IL1RAPL1: variants seen among roughly 807,000 people sequenced by gnomAD.
IL1RAPL1 encodes interleukin-1 receptor accessory protein-like 1.
A neutral mutation model predicts 48.4 loss-of-function variants in IL1RAPL1; 3 were observed. The ratio of observed to expected loss-of-function variants is 0.06; its 90% CI spans 0.03 to 0.16. The LOEUF (loss-of-function observed/expected upper bound fraction) is 0.16. Ranked by LOEUF, IL1RAPL1 falls within the 10% of genes least tolerant of loss-of-function variation. The pLI, the probability that IL1RAPL1 is intolerant of heterozygous loss-of-function variation, is 1.00. For missense variants in IL1RAPL1, 349 were observed against 530.6 expected, an observed-to-expected ratio of 0.66 and a Z score of 3.36; for synonymous variants, 185 against 187.7, an observed-to-expected ratio of 0.99 and a Z score of 0.12.
intron 2 of IL1RAPL1, among the ~76,000 whole-genome samples, chrX:28,982,135 T>C (rs969617478): frequency 2.7e-5 from 3 of 112,190 alleles, no homozygotes; most frequent in Admixed American, 9.4e-5. Context: ...AAGGTGTCTG[T>C]TTTCTCTTTC....
intron 2 of IL1RAPL1, among the ~76,000 whole-genome samples, chrX:29,142,404 G>A (rs1159624892): frequency 8.9e-6 from 1 of 111,745 alleles, no homozygotes; most frequent in Non-Finnish European, 1.9e-5. Flanking sequence ...GAGAAAGACT[G>A]TAGAACTGTC....
chrX:28,957,183 A>G (rs1001179728), intron 2 of IL1RAPL1, among the ~76,000 whole-genome samples: 1 of 111,634 alleles, frequency 9.0e-6, no homozygotes, highest in Admixed American at 9.6e-5. Context: ...ACCTAATGCT[A>G]GATGACGAGT....
At chrX:29,198,629 A>G (rs981727757) in intron 2 of IL1RAPL1, among the ~76,000 whole-genome samples, 3 of 111,618 alleles carry the variant, frequency 2.7e-5, no homozygotes, top group Admixed American at 9.6e-5. Context: ...TAAGCTCAGC[A>G]TAAGTTGACA....
rs755559570 is a variant in IL1RAPL1 at position 29,611,192 on chromosome X, T to C, written c.704-57238T>C. Among the ~76,000 whole-genome samples, 11 of 111,556 alleles carry C rather than the reference T, an allele frequency of 9.9e-5. No individual in the cohort carries two copies. The South Asian group carries it at 4.2e-3, about 42-fold the overall frequency. On this transcript the variant is annotated intron_variant, in intron 5 of 10. Coordinates refer to ENST00000378993, the MANE Select transcript of IL1RAPL1 (RefSeq NM_014271.4). ...CTTCCTGATCCAGGAGATAATCAAC[T>C]AAGAGCCAGGTACCCTTTTAGGTCC...
chrX:29,764,104 A>C (rs1007760971), intron 6 of IL1RAPL1, among the ~76,000 whole-genome samples: 1 of 111,748 alleles, frequency 8.9e-6, no homozygotes, highest in Non-Finnish European at 1.9e-5. Context: ...AAACAAATTA[A>C]ATTTTAATCT....
Position 29,028,379 on chromosome X carries a change from C to T in IL1RAPL1, c.82+238954C>T, listed in dbSNP as rs759593250. On this transcript the variant is annotated intron_variant, in intron 2 of 10. Transcript: ENST00000378993. ...CTTGACTCACAGCAATCTCTGCCTC[C>T]CAGGTTCAAGTGATTCTCCTGCTTC... Among the ~76,000 whole-genome samples the T allele has an allele frequency of 4.7e-5, 5 of 106,228 alleles. No individual in the cohort carries two copies. In the Admixed American group the frequency reaches 5.1e-4, roughly 11 times the overall value. The allele number at this position is 106,228 out of a possible 115,157, so 92.2% of individuals were successfully genotyped here. A position where few individuals can be genotyped will look rare whatever the true frequency, so the allele number is the denominator to read the frequency against.
chrX:29,753,586 A>G (rs1928541011), intron 6 of IL1RAPL1, among the ~76,000 whole-genome samples: 2 of 111,993 alleles, frequency 1.8e-5, no homozygotes, highest in South Asian at 7.5e-4. Flanking sequence ...GACTTCATGT[A>G]AATCAAATAA....
At chrX:28,759,238 C>CAAA (rs34245672) in intron 1 of IL1RAPL1, among the ~76,000 whole-genome samples, 1 of 98,643 alleles carries the variant, frequency 1.0e-5, no homozygotes, top group African/African-American at 3.7e-5. Context: ...AACTCCATCT[C>CAAA]AAAAAAAAAA....
chrX:29,863,479 T>C (rs1164038716), intron 6 of IL1RAPL1, among the ~76,000 whole-genome samples: 1 of 111,577 alleles, frequency 9.0e-6, no homozygotes, highest in Non-Finnish European at 1.9e-5. Context: ...AAAATCAGAC[T>C]GTTTAAATAG....
At chrX:29,311,675 T>C (rs755577691) in intron 3 of IL1RAPL1, among the ~76,000 whole-genome samples, 8 of 112,059 alleles carry the variant, frequency 7.1e-5, no homozygotes, top group Non-Finnish European at 1.3e-4. Context: ...ACAACATAGC[T>C]CCAAAGTTCT....
At chrX:29,578,962 G>A (rs59968462) in intron 5 of IL1RAPL1, among the ~76,000 whole-genome samples, 13,780 of 111,708 alleles carry the variant, frequency 0.12, 944 homozygotes, top group African/African-American at 0.24. Flanking sequence ...TCATGTATCA[G>A]TGTCAGCTGT....
At chrX:28,672,050 C>T (rs1934951632) in intron 1 of IL1RAPL1, among the ~76,000 whole-genome samples, 1 of 112,039 alleles carries the variant, frequency 8.9e-6, no homozygotes, top group Non-Finnish European at 1.9e-5. Flanking sequence ...TCTCTACAGG[C>T]TTAAATATCA....
chrX:29,734,022 G>A (rs1391881707), intron 6 of IL1RAPL1, among the ~76,000 whole-genome samples: 1 of 112,795 alleles, frequency 8.9e-6, no homozygotes, highest in Non-Finnish European at 1.9e-5. Flanking sequence ...AGTTGAAACA[G>A]ATGCGACCAC....
At chrX:29,885,959 A>G (rs143326378) in intron 6 of IL1RAPL1, among the ~76,000 whole-genome samples, 1,481 of 112,386 alleles carry the variant, frequency 0.013, 25 homozygotes, top group African/African-American at 0.045. Context: ...ATTTGTTTTA[A>G]ATTATTCTTA....
At chrX:29,869,581 T>C (rs1931762551) in intron 6 of IL1RAPL1, among the ~76,000 whole-genome samples, 1 of 111,411 alleles carries the variant, frequency 9.0e-6, no homozygotes, top group South Asian at 3.8e-4. Flanking sequence ...AGAATTAAGG[T>C]AATGACATGA....
At chrX:29,580,531 A>G (rs1473868026) in intron 5 of IL1RAPL1, among the ~76,000 whole-genome samples, 1 of 111,711 alleles carries the variant, frequency 9.0e-6, no homozygotes, top group East Asian at 2.8e-4. Context: ...ATAATAAACT[A>G]TCTAAGTACT....
chrX:29,752,368 C>G (rs1004984993), intron 6 of IL1RAPL1, among the ~76,000 whole-genome samples: 1 of 106,611 alleles, frequency 9.4e-6, no homozygotes, highest in Non-Finnish European at 1.9e-5. Flanking sequence ...TTGCGGCATG[C>G]GCCTGTAGTC....
At chrX:29,597,149 A>G in intron 5 of IL1RAPL1, among the ~76,000 whole-genome samples, 1 of 55,969 alleles carries the variant, frequency 1.8e-5, no homozygotes, top group Non-Finnish European at 3.3e-5. Flanking sequence ...TTTGTTGAGG[A>G]TTTTTTTTTT....
At chrX:29,797,197 G>C (rs960213567) in intron 6 of IL1RAPL1, among the ~76,000 whole-genome samples, 1 of 112,461 alleles carries the variant, frequency 8.9e-6, no homozygotes, top group Non-Finnish European at 1.9e-5. Context: ...CAAAGATTTT[G>C]CTTCTCTTCC....
Sources: gnomAD v4.1 joint callset for allele counts (sites outside exome capture counted in the v4.1 genomes callset) on GRCh38, gnomAD v4.1.1 for gene constraint, MANE v1.5 for transcripts, NCBI Gene and HGNC (gene_info 2026-07-23, HGNC 2026-07-21) for gene names.